FOXO3: variants seen among roughly 807,000 people sequenced by gnomAD.
The protein encoded by FOXO3 is forkhead box protein O3.
Under a neutral mutation model 41.9 loss-of-function variants are expected in FOXO3, and 4 were observed. The ratio of observed to expected loss-of-function variants is 0.10; its 90% CI spans 0.05 to 0.22. FOXO3 has a LOEUF of 0.22. FOXO3 is among the 10% of genes least tolerant of loss of function. The pLI is 1.00. For missense variants in FOXO3, 534 were observed against 906.8 expected (o/e 0.59, Z 5.28); for synonymous variants, 318 against 389.3 (o/e 0.82, Z 2.16).
chr6:108,629,068 G>A (rs968641857), intron 1 of FOXO3, among the ~76,000 whole-genome samples: 1 of 152,082 alleles, frequency 6.6e-6, no homozygotes, highest in African/African-American at 2.4e-5. Context: ...ATTTTTCACA[G>A]GTAAATCCTA....
intron 1 of FOXO3, among the ~76,000 whole-genome samples, chr6:108,659,300 T>C (rs976972957): frequency 3.3e-5 from 5 of 152,358 alleles, no homozygotes; most frequent in African/African-American, 1.2e-4. Context: ...TATATTCCTA[T>C]TCTTTCTTAA....
At chr6:108,572,414 A>G (rs555644095) in intron 1 of FOXO3, among the ~76,000 whole-genome samples, 1 of 152,316 alleles carries the variant, frequency 6.6e-6, no homozygotes, top group East Asian at 1.9e-4. Context: ...GTAGAGTCTC[A>G]CACACTTGGT....
At position 108,681,066 on chromosome 6, in the gene FOXO3, T is replaced by G. The variant is rs751956119; in HGVS notation, c.*1274T>G. 4.6e-5 allele frequency: 7 copies of G among 152,672 alleles called. No homozygotes were observed. Among genetic ancestry groups the G allele is most frequent in the Admixed American group, 6.5e-5 (1 of 15,282 alleles). The allele number at this position is 152,672 out of a possible 1,614,324, so 9.5% of individuals were successfully genotyped here. ...GGGCAGTTTTAACTTTTTTTTCTGC[T>G]TCTATGGATTTCATTTTGTTGTGTT... is the stretch of plus-strand genomic sequence containing the variant. On this transcript the variant is annotated 3_prime_UTR_variant, in exon 3 of 3. Coordinates refer to ENST00000406360, the MANE Select transcript of FOXO3 (RefSeq NM_001455.4).
In FOXO3 at chr6:108,561,626, G is replaced by T. The variant is rs761074475; in HGVS notation, c.418G>T (p.Ala140Ser). The T allele has an allele frequency of 5.0e-5, 77 of 1,555,180 alleles. No individual in the cohort carries two copies. In the Middle Eastern group the frequency reaches 9.5e-4, roughly 19 times the overall value. Residue 140 changes from alanine (A) to serine (S), a missense_variant, in exon 1 of 3, where the codon GCG becomes TCG. Transcript: ENST00000406360. ...ACCGCTGCCACCGCCGCAGCCGGGG[G>T]CGGCTGGGGGCTCCGGGCAGCCGAG... ...QQPLPPPQPG[A>S]AGGSGQPRKC... is the part of the protein sequence containing the mutation.
chr6:108,619,832 A>G (rs1036702799), intron 1 of FOXO3, among the ~76,000 whole-genome samples: 2 of 152,200 alleles, frequency 1.3e-5, no homozygotes, highest in East Asian at 3.8e-4. Context: ...GATGTGATTA[A>G]TGGTCCTTAA....
At chr6:108,668,728 A>G (rs1338876911) in intron 2 of FOXO3, among the ~76,000 whole-genome samples, 1 of 152,148 alleles carries the variant, frequency 6.6e-6, no homozygotes, top group African/African-American at 2.4e-5. Flanking sequence ...GGGGTGGTTC[A>G]CTTCTTGTCT....
At chr6:108,586,460 G>T (rs902563666) in intron 1 of FOXO3, among the ~76,000 whole-genome samples, 1 of 152,012 alleles carries the variant, frequency 6.6e-6, no homozygotes, top group Non-Finnish European at 1.5e-5. Flanking sequence ...ACCTTCCTCA[G>T]TGATGTATCT....
chr6:108,678,441 G>A (rs1770705310), intron 2 of FOXO3, among the ~76,000 whole-genome samples: 1 of 151,668 alleles, frequency 6.6e-6, no homozygotes, highest in South Asian at 2.1e-4. Flanking sequence ...TCTTATGTCT[G>A]GAGGTCTGTC....
intron 2 of FOXO3, among the ~76,000 whole-genome samples, chr6:108,674,983 A>G (rs1018928199): frequency 9.2e-5 from 14 of 152,288 alleles, no homozygotes; most frequent in African/African-American, 3.4e-4. Flanking sequence ...CAACTTTGCT[A>G]TTGACAGTAA....
At chr6:108,567,908 C>T (rs750618533) in intron 1 of FOXO3, among the ~76,000 whole-genome samples, 2 of 152,092 alleles carry the variant, frequency 1.3e-5, no homozygotes, top group African/African-American at 2.4e-5. Context: ...GCTAGCCGGG[C>T]ATCGTGGCGC....
In FOXO3 at chr6:108,600,546, C is replaced by CAA. The variant is rs56888212; in HGVS notation, c.621+38743_621+38744dup. ...TAGGTGACAGAGCAAGTCTCCATCT[C>CAA]AAAAAAAAAAAAAAAAAAAAAAAAA... On this transcript the variant is annotated intron_variant, in intron 1 of 2. Transcript: ENST00000406360. 1.1e-3 allele frequency among the ~76,000 whole-genome samples: 52 copies of CAA among 47,770 alleles called. 2 individuals are homozygous for CAA. The highest frequency in any genetic ancestry group is 2.2e-3 in the African/African-American group (20 of 9,220). The allele number at this position is 47,770 out of a possible 152,430, so 31.3% of individuals were successfully genotyped here.
In FOXO3 at chr6:108,664,286, A is replaced by T. The variant is rs764732675; in HGVS notation, c.1453A>T (p.Met485Leu). Residue 485 changes from methionine to leucine, a missense_variant, in exon 2 of 3, where the codon ATG (methionine) becomes TTG (leucine). Coordinates refer to ENST00000406360, the MANE Select transcript of FOXO3 (RefSeq NM_001455.4). ...GGACTCACTTAGCCACAGCGATGTC[A>T]TGATGACACAGTCGGACCCCTTGAT... The part of the protein sequence containing the change: ...TSDSLSHSDV[M>L]MTQSDPLMSQ... 5.0e-6 allele frequency: 8 copies of T among 1,601,088 alleles called. No homozygotes were observed. The highest frequency in any genetic ancestry group is 6.0e-6 in the Non-Finnish European group (7 of 1,169,038).
intron 1 of FOXO3, among the ~76,000 whole-genome samples, chr6:108,565,968 T>C (rs1775937031): frequency 6.6e-6 from 1 of 152,244 alleles, no homozygotes; most frequent in Non-Finnish European, 1.5e-5. Context: ...AGGCCAGTTA[T>C]GGTCGTGTGT....
intron 1 of FOXO3, among the ~76,000 whole-genome samples, chr6:108,602,472 G>GT (rs1298910054): frequency 9.9e-5 from 15 of 152,134 alleles, no homozygotes; most frequent in South Asian, 2.1e-4. Context: ...CCAAGATCTT[G>GT]TTTTTTGCGT....
intron 1 of FOXO3, among the ~76,000 whole-genome samples, chr6:108,583,443 T>A (rs1286186513): frequency 6.6e-6 from 1 of 152,216 alleles, no homozygotes; most frequent in African/African-American, 2.4e-5. Context: ...GCATGTAATG[T>A]TTCCAAGAAT....
intron 1 of FOXO3, among the ~76,000 whole-genome samples, chr6:108,618,664 G>T (rs1036609424): frequency 1.3e-5 from 2 of 152,186 alleles, no homozygotes; most frequent in African/African-American, 2.4e-5. Context: ...TTTGTTGCTG[G>T]TGGAAACATG....
intron 1 of FOXO3, among the ~76,000 whole-genome samples, chr6:108,585,231 G>A (rs1209879998): frequency 3.3e-5 from 5 of 151,818 alleles, no homozygotes; most frequent in African/African-American, 1.2e-4. Context: ...TTTTAGTAGA[G>A]ACGGGGTTTC....
chr6:108,663,795 G>C lies in FOXO3; in HGVS notation c.962G>C (p.Ser321Thr). The C allele has an allele frequency of 6.2e-7, 1 of 1,613,940 alleles. No homozygotes were observed. The highest frequency in any genetic ancestry group is 1.1e-5 in the South Asian group (1 of 91,076). Residue 321 changes from serine to threonine, a missense_variant, in exon 2 of 3, where the codon AGT becomes ACT. Transcript: ENST00000406360. ...ACCAATTCTAACGCCAGCACAGTCA[G>C]TGGCCGCCTGTCGCCCATCATGGCA... ...SRTNSNASTV[S>T]GRLSPIMAST...
At chr6:108,631,384 G>C (rs1777967304) in intron 1 of FOXO3, among the ~76,000 whole-genome samples, 1 of 152,126 alleles carries the variant, frequency 6.6e-6, no homozygotes. Flanking sequence ...TTGCTGTTTA[G>C]GGCCCTGACT....
Sources: gnomAD v4.1 joint callset for allele counts (sites outside exome capture counted in the v4.1 genomes callset) on GRCh38, gnomAD v4.1.1 for gene constraint, MANE v1.5 for transcripts, NCBI Gene and HGNC (gene_info 2026-07-23, HGNC 2026-07-21) for gene names.